The following TSNARE1 variants were observed in gnomAD, a reference collection of about 807,000 sequenced individuals.
The protein encoded by TSNARE1 is t-SNARE domain-containing protein 1.
TSNARE1 carries 49 observed loss-of-function variants against 62.0 expected under a neutral mutation model. The observed-to-expected ratio is 0.79, with a 90% CI of 0.63 to 1.00. The LOEUF (loss-of-function observed/expected upper bound fraction) is 1.00, where lower values mean the gene tolerates loss of function less well. Ranked by LOEUF, TSNARE1 falls within the 50% of genes least tolerant of loss-of-function variation. The pLI is 0.00. For missense variants in TSNARE1, 755 were observed against 700.1 expected (o/e 1.08, Z -0.88); for synonymous variants, 328 against 294.4 (o/e 1.11, Z -1.17).
intron 13 of TSNARE1, among the ~76,000 whole-genome samples, chr8:142,228,422 C>T (rs4976975): frequency 0.04 from 6,075 of 152,280 alleles, 276 homozygotes; most frequent in Admixed American, 0.12. Flanking sequence ...CAGTGCCAGC[C>T]ATGTGTCTCA....
At chr8:142,252,218 C>T (rs1041207814) in intron 12 of TSNARE1, among the ~76,000 whole-genome samples, 1 of 152,230 alleles carries the variant, frequency 6.6e-6, no homozygotes, top group Non-Finnish European at 1.5e-5. Context: ...GTTGTTTTCC[C>T]TTTCTGCTGT....
At chr8:142,342,730 C>T (rs1368120265) in intron 4 of TSNARE1, among the ~76,000 whole-genome samples, 1 of 151,910 alleles carries the variant, frequency 6.6e-6, no homozygotes, top group Non-Finnish European at 1.5e-5. Context: ...CATGCCTACG[C>T]CCTGCACCTG....
chr8:142,269,771 C>T, intron 12 of TSNARE1: 3 of 985,180 alleles, frequency 3.0e-6, no homozygotes, highest in Non-Finnish European at 3.6e-6. Flanking sequence ...GAGGCCCCGC[C>T]CAGAACCAAC....
intron 6 of TSNARE1, among the ~76,000 whole-genome samples, chr8:142,324,747 C>T (rs1213645842): frequency 1.3e-5 from 2 of 152,182 alleles, no homozygotes; most frequent in Non-Finnish European, 2.9e-5. Context: ...TCCCTGGCAC[C>T]GGGTCCCGAG....
rs868069786 is a variant in TSNARE1, at chr8:142,300,634, G to C, written c.1142C>G (p.Ala381Gly). ...AQRGSKQSPQ[A>G]PFAELADDEK... Reference sequence around the variant, plus strand: ...ATCATCAGCCAGCTCGGCAAACGGGGCCTGGGGACTCTGCTGATGACAGAC... The same window carrying C: ...ATCATCAGCCAGCTCGGCAAACGGGCCCTGGGGACTCTGCTGATGACAGAC... The change falls in exon 10 of 14, where the codon GCC (alanine) becomes GGC (glycine). Residue 381 changes from alanine to glycine, a missense_variant. Coordinates refer to ENST00000524325, the MANE Select transcript of TSNARE1 (RefSeq NM_145003.5). 2 of 1,613,152 alleles carry C rather than the reference G, an allele frequency of 1.2e-6. No individual in the cohort carries two copies. The highest frequency in any genetic ancestry group is 1.7e-6 in the Non-Finnish European group (2 of 1,179,758).
chr8:142,278,749 G>A (rs930929129), intron 11 of TSNARE1: 33 of 985,320 alleles, frequency 3.3e-5, no homozygotes, highest in Middle Eastern at 5.2e-4. Flanking sequence ...GGGGCACAGC[G>A]TGCCTGACAG....
chr8:142,257,233 C>G (rs1267182785), intron 12 of TSNARE1, among the ~76,000 whole-genome samples: 3 of 152,224 alleles, frequency 2.0e-5, no homozygotes, highest in Non-Finnish European at 4.4e-5. Flanking sequence ...GCCCACCCAA[C>G]TGGAGCAGCC....
chr8:142,228,021 A>T (rs540683016), intron 13 of TSNARE1, among the ~76,000 whole-genome samples: 2 of 152,300 alleles, frequency 1.3e-5, no homozygotes, highest in East Asian at 3.9e-4. Flanking sequence ...CGGAGTTTAC[A>T]TGGAGAGGCA....
intron 12 of TSNARE1, among the ~76,000 whole-genome samples, chr8:142,231,223 C>G (rs1420544650): frequency 6.6e-6 from 1 of 152,230 alleles, no homozygotes; most frequent in East Asian, 1.9e-4. Context: ...AACAGCACCA[C>G]TTCCCAGCCT....
intron 1 of TSNARE1, among the ~76,000 whole-genome samples, chr8:142,388,341 G>A (rs1162913203): frequency 6.6e-6 from 1 of 151,894 alleles, no homozygotes. Flanking sequence ...CCTAATAGGT[G>A]TCTACTAAAA....
In TSNARE1 at chr8:142,311,290, G is replaced by GTTTTTTTTTTTTTT. The variant is rs58755110; in HGVS notation, c.1131+3080_1131+3093dup. Among the ~76,000 whole-genome samples, 68 of 57,348 alleles carry GTTTTTTTTTTTTTT rather than the reference G, an allele frequency of 1.2e-3. 5 individuals carry two copies. Among genetic ancestry groups the GTTTTTTTTTTTTTT allele is most frequent in the African/African-American group, 3.4e-3 (36 of 10,730 alleles). The allele number at this position is 57,348 out of a possible 152,430, so 37.6% of individuals were successfully genotyped here. On this transcript the variant is annotated intron_variant, in intron 9 of 13. Transcript: ENST00000524325. ...CGATTCTCCTGCCTCAGCCTCTCTA[G>GTTTTTTTTTTTTTT]TTTTTTTTTTTTTTTTTTTTTTTTG...
At chr8:142,303,948 C>T (rs75130989) in intron 9 of TSNARE1, among the ~76,000 whole-genome samples, 3,903 of 152,324 alleles carry the variant, frequency 0.026, 118 homozygotes, top group Admixed American at 0.083. Context: ...GGCCCCTCGG[C>T]AGGGGCACGG....
intron 2 of TSNARE1, among the ~76,000 whole-genome samples, chr8:142,347,123 A>C (rs1833475440): frequency 6.6e-6 from 1 of 151,944 alleles, no homozygotes; most frequent in Non-Finnish European, 1.5e-5. Context: ...TGGTGGGGGG[A>C]AGAGGGAGAA....
At chr8:142,282,956 G>A (rs1821879901) in intron 11 of TSNARE1, among the ~76,000 whole-genome samples, 1 of 149,960 alleles carries the variant, frequency 6.7e-6, no homozygotes, top group African/African-American at 2.5e-5. Context: ...ATGAGCAGAG[G>A]GGAGGCCACT....
At chr8:142,273,832 C>G in intron 12 of TSNARE1, 2 of 985,406 alleles carry the variant, frequency 2.0e-6, no homozygotes, top group South Asian at 4.7e-5. Flanking sequence ...CCTGAGGCAA[C>G]TGAGGACCCT....
chr8:142,369,818 C>CCAGA (rs1294669721), intron 1 of TSNARE1, among the ~76,000 whole-genome samples: 2 of 152,160 alleles, frequency 1.3e-5, no homozygotes, highest in Non-Finnish European at 2.9e-5. Flanking sequence ...CAAGCACCTA[C>CCAGA]CAGACGTTAT....
intron 10 of TSNARE1, among the ~76,000 whole-genome samples, chr8:142,288,922 C>T (rs778772710): frequency 2.2e-4 from 34 of 152,380 alleles, no homozygotes; most frequent in Non-Finnish European, 4.1e-4. Context: ...TGCGTCCCAG[C>T]TTCAAGAGGC....
chr8:142,212,695 C>T (rs914917932), intron 13 of TSNARE1, among the ~76,000 whole-genome samples: 1 of 152,038 alleles, frequency 6.6e-6, no homozygotes, highest in Non-Finnish European at 1.5e-5. Context: ...CTGGCGCACC[C>T]ACCGGCCCTC....
At chr8:142,274,657 T>C in intron 12 of TSNARE1, 124 bp downstream of exon 12, 2 of 1,368,216 alleles carry the variant, frequency 1.5e-6, no homozygotes, top group Non-Finnish European at 1.9e-6. Flanking sequence ...AGAGGAGGCC[T>C]GTGGGCATGC....
Sources: allele counts gnomAD v4.1 joint callset (sites outside exome capture counted in the v4.1 genomes callset), GRCh38; gene constraint gnomAD v4.1.1; transcripts MANE v1.5; gene names NCBI Gene and HGNC (gene_info 2026-07-23, HGNC 2026-07-21).